Variants in PRKG1 observed in about 807,000 individuals in gnomAD.
PRKG1 encodes cGMP-dependent protein kinase 1.
In PRKG1, 35 loss-of-function variants were observed where a neutral mutation model predicts 88.1. That is an observed-to-expected ratio of 0.40 (90% CI 0.30 to 0.53). PRKG1 has a LOEUF of 0.53. Among genes scored for constraint, PRKG1 ranks in the 20% least tolerant of loss-of-function variants. The pLI is 0.59. For synonymous variants in PRKG1, 303 were observed against 292.5 expected (o/e 1.04, Z -0.37); for missense variants, 540 against 839.8 (o/e 0.64, Z 4.41).
At chr10:52,197,731 G>A (rs928701966) in intron 9 of PRKG1, among the ~76,000 whole-genome samples, 7 of 152,222 alleles carry the variant, frequency 4.6e-5, no homozygotes, top group Non-Finnish European at 1.5e-5. Flanking sequence ...TGTAGAAGAG[G>A]AAACTCTTAG....
chr10:51,466,660 T>A (rs1310867904), intron 2 of PRKG1, among the ~76,000 whole-genome samples: 2 of 152,068 alleles, frequency 1.3e-5, no homozygotes, highest in Non-Finnish European at 2.9e-5. Flanking sequence ...GATTATTGCC[T>A]AGATAAAACC....
At chr10:52,079,818 G>A (rs184712457) in intron 7 of PRKG1, among the ~76,000 whole-genome samples, 6 of 152,250 alleles carry the variant, frequency 3.9e-5, no homozygotes, top group Admixed American at 6.5e-5. Flanking sequence ...CCAGATTATT[G>A]AGAAATATTT....
intron 2 of PRKG1, among the ~76,000 whole-genome samples, chr10:51,394,470 A>G (rs563275813): frequency 1.3e-5 from 2 of 152,312 alleles, no homozygotes; most frequent in African/African-American, 4.8e-5. Flanking sequence ...ATGCAGCATT[A>G]CCCTTTCCAT....
chr10:51,127,875 A>C (rs1457881166), intron 1 of PRKG1, among the ~76,000 whole-genome samples: 1 of 152,068 alleles, frequency 6.6e-6, no homozygotes, highest in Non-Finnish European at 1.5e-5. Context: ...ACCAAACACC[A>C]CATGTTCTCA....
At chr10:51,655,800 A>G (rs1840146908) in intron 3 of PRKG1, among the ~76,000 whole-genome samples, 1 of 152,168 alleles carries the variant, frequency 6.6e-6, no homozygotes, top group Non-Finnish European at 1.5e-5. Context: ...TAACCTAACT[A>G]CTTGAGAATT....
At chr10:51,988,173 C>T (rs367809828) in intron 5 of PRKG1, among the ~76,000 whole-genome samples, 1 of 151,918 alleles carries the variant, frequency 6.6e-6, no homozygotes. Flanking sequence ...TAAAACAATG[C>T]ATAATATTGT....
At chr10:51,620,449 C>T (rs1179308274) in intron 3 of PRKG1, among the ~76,000 whole-genome samples, 2 of 152,064 alleles carry the variant, frequency 1.3e-5, no homozygotes, top group African/African-American at 4.8e-5. Context: ...CTTCCTGCCT[C>T]ATTTTTGGTA....
At chr10:51,281,954 A>G (rs1840310768) in intron 2 of PRKG1, among the ~76,000 whole-genome samples, 1 of 152,170 alleles carries the variant, frequency 6.6e-6, no homozygotes, top group Non-Finnish European at 1.5e-5. Flanking sequence ...CATTTTTCAT[A>G]GTGGTGCTGG....
Position 51,375,437 on chromosome 10 carries a change from G to T in PRKG1, c.479-92286G>T, listed in dbSNP as rs147243758. Among the ~76,000 whole-genome samples the T allele has an allele frequency of 3.2e-3, 453 of 142,380 alleles. 4 individuals carry two copies. Among genetic ancestry groups the T allele is most frequent in the South Asian group, 0.025 (110 of 4,422 alleles). The allele number at this position is 142,380 out of a possible 152,430, so 93.4% of individuals were successfully genotyped here. A position where few individuals can be genotyped will look rare whatever the true frequency, so the allele number is the denominator to read the frequency against. On this transcript the variant is annotated intron_variant, in intron 2 of 17. Transcript: ENST00000373980. ...TTTTGGATTTGGGGTTTTTTTTTTT[G>T]GATTTTGGAATATTCATAGAAGACA...
intron 5 of PRKG1, among the ~76,000 whole-genome samples, chr10:51,979,419 T>TTTG (rs1429491864): frequency 1.6e-4 from 22 of 136,342 alleles, no homozygotes; most frequent in Middle Eastern, 3.7e-3. Context: ...TGTTTTTTTT[T>TTTG]TTTTTTTTTT....
chr10:51,528,188 G>A (rs1841929448), intron 3 of PRKG1, among the ~76,000 whole-genome samples: 1 of 152,154 alleles, frequency 6.6e-6, no homozygotes, highest in Non-Finnish European at 1.5e-5. Context: ...CCACAACAGT[G>A]AGCTAGAGCC....
chr10:51,001,446 C>T (rs1842888684), intron 1 of PRKG1, among the ~76,000 whole-genome samples: 1 of 152,168 alleles, frequency 6.6e-6, no homozygotes, highest in Non-Finnish European at 1.5e-5. Flanking sequence ...TGATAGGATA[C>T]ACATTTATTT....
chr10:52,271,044 C>G (rs927577647), intron 10 of PRKG1, among the ~76,000 whole-genome samples: 4 of 151,896 alleles, frequency 2.6e-5, no homozygotes, highest in African/African-American at 9.7e-5. Flanking sequence ...AAAATGTATT[C>G]AAACACACTC....
At chr10:51,765,691 A>G (rs1160705425) in intron 3 of PRKG1, among the ~76,000 whole-genome samples, 1 of 151,572 alleles carries the variant, frequency 6.6e-6, no homozygotes, top group Non-Finnish European at 1.5e-5. Context: ...CTGTCTACCT[A>G]TTTTCAATCT....
rs146653239 is a variant in PRKG1, at chr10:51,457,685, C to T, written c.479-10038C>T. Among the ~76,000 whole-genome samples, 640 of 152,312 alleles carry T rather than the reference C, an allele frequency of 4.2e-3. 9 individuals carry two copies. Among genetic ancestry groups the T allele is most frequent in the Admixed American group, 0.031 (471 of 15,290 alleles). On this transcript the variant is annotated intron_variant, in intron 2 of 17. Transcript: ENST00000373980. ...TCATTCACGTTGTAGCACGTATCAGCAGGTCATTCTTTATTATGGCTGAAT... is the reference window on the plus strand; with the variant it reads ...TCATTCACGTTGTAGCACGTATCAGTAGGTCATTCTTTATTATGGCTGAAT...
intron 1 of PRKG1, among the ~76,000 whole-genome samples, chr10:51,061,060 G>GGTGTGTGTGTGTGTGTGTGTGT (rs71029344): frequency 0.011 from 1,692 of 147,138 alleles, 38 homozygotes; most frequent in African/African-American, 0.038. Context: ...TATACCTAGG[G>GGTGTGTGTGTGTGTGTGTGTGT]GTGTGTGTGT....
chr10:51,516,228 C>T (rs1056857721), intron 3 of PRKG1, among the ~76,000 whole-genome samples: 1 of 152,126 alleles, frequency 6.6e-6, no homozygotes, highest in African/African-American at 2.4e-5. Context: ...TCGCTCTCCC[C>T]TGAAGTCAAG....
intron 2 of PRKG1, among the ~76,000 whole-genome samples, chr10:51,256,800 A>T (rs766032442): frequency 1.6e-4 from 24 of 152,100 alleles, no homozygotes; most frequent in Non-Finnish European, 3.5e-4. Flanking sequence ...AGTGAGGGAG[A>T]TGGTAGAGAC....
chr10:51,589,052 T>G (rs962796929), intron 3 of PRKG1, among the ~76,000 whole-genome samples: 5 of 152,156 alleles, frequency 3.3e-5, no homozygotes, highest in Non-Finnish European at 7.4e-5. Context: ...GAGCTGTTGT[T>G]TTGTCTCGAA....
Sources: gnomAD v4.1 joint callset for allele counts (sites outside exome capture counted in the v4.1 genomes callset) on GRCh38, gnomAD v4.1.1 for gene constraint, MANE v1.5 for transcripts, NCBI Gene and HGNC (gene_info 2026-07-23, HGNC 2026-07-21) for gene names.